Variants in BBOX1 observed in about 807,000 individuals in gnomAD.
BBOX1 encodes the protein gamma-butyrobetaine dioxygenase.
Under a neutral mutation model 41.6 loss-of-function variants are expected in BBOX1, and 35 were observed. That is an observed-to-expected ratio of 0.84 (90% CI 0.64 to 1.11). BBOX1 has a LOEUF of 1.11. Ranked by LOEUF, BBOX1 falls within the 50% of genes most tolerant of loss-of-function variation. The pLI, the probability that BBOX1 is intolerant of heterozygous loss-of-function variation, is 0.00. For missense variants in BBOX1, 458 were observed against 460.6 expected, an observed-to-expected ratio of 0.99 and a Z score of 0.05; for synonymous variants, 163 against 154.7, an observed-to-expected ratio of 1.05 and a Z score of -0.40.
At position 27,127,396 on chromosome 11, in the gene BBOX1, G is replaced by GTCAT; in HGVS notation, c.1107_1108insTCAT (p.Asp370SerfsTer2). The GTCAT allele has an allele frequency of 1.2e-6, 2 of 1,614,098 alleles. No individual in the cohort carries two copies. Among genetic ancestry groups the GTCAT allele is most frequent in the South Asian group, 2.2e-5 (2 of 91,072 alleles). The stretch of plus-strand genomic sequence containing the variant: ...ATCTAGAAGGAGCTTATGCTGACTG[G>GTCAT]GATGTGGTCATGTCAAGGCTTCGTA... On this transcript the variant is annotated frameshift_variant, in exon 9 of 9. Coordinates refer to ENST00000263182, the MANE Select transcript of BBOX1 (RefSeq NM_003986.3). LOFTEE classifies it high-confidence loss of function.
intron 4 of BBOX1, among the ~76,000 whole-genome samples, chr11:27,071,643 C>G (rs1436354940): frequency 6.6e-6 from 1 of 152,096 alleles, no homozygotes; most frequent in Admixed American, 6.6e-5. Context: ...ACCAATATCC[C>G]TGATGAACAT....
chr11:27,061,584 GT>G (rs1358747868), intron 4 of BBOX1, among the ~76,000 whole-genome samples: 1 of 152,176 alleles, frequency 6.6e-6, no homozygotes, highest in African/African-American at 2.4e-5. Flanking sequence ...AGTTACATTT[GT>G]GAAAGGATTT....
At chr11:27,082,193 C>T (rs985409757) in intron 4 of BBOX1, among the ~76,000 whole-genome samples, 1 of 152,090 alleles carries the variant, frequency 6.6e-6, no homozygotes, top group Non-Finnish European at 1.5e-5. Flanking sequence ...CTGAGAATTA[C>T]AATTCAACAT....
At chr11:27,106,428 G>C (rs556937742) in intron 5 of BBOX1, among the ~76,000 whole-genome samples, 3 of 152,028 alleles carry the variant, frequency 2.0e-5, no homozygotes, top group Non-Finnish European at 2.9e-5. Flanking sequence ...AAAAAAGGTA[G>C]GGGTTGCAAT....
intron 3 of BBOX1, among the ~76,000 whole-genome samples, 174 bp downstream of exon 3, chr11:27,055,823 T>C (rs1856963217): frequency 6.6e-6 from 1 of 152,200 alleles, no homozygotes; most frequent in African/African-American, 2.4e-5. Context: ...AAGCTTCAGC[T>C]ATTATTATTA....
At chr11:27,110,788 C>T (rs1266109267) in intron 5 of BBOX1, among the ~76,000 whole-genome samples, 1 of 151,830 alleles carries the variant, frequency 6.6e-6, no homozygotes, top group Admixed American at 6.6e-5. Flanking sequence ...ATCTCTGATG[C>T]TAAATCAATG....
chr11:27,121,293 T>C lies in BBOX1; in HGVS notation c.836+1448T>C, dbSNP rs969262753. Reference sequence around the variant, plus strand: ...AGGATGCAAGTATTAGGGGAGGAAGTCAGGTAGGGACAAGTTCCTGTAGAG... The same window carrying C: ...AGGATGCAAGTATTAGGGGAGGAAGCCAGGTAGGGACAAGTTCCTGTAGAG... On this transcript the variant is annotated intron_variant, in intron 7 of 8. Transcript: ENST00000263182. Among the ~76,000 whole-genome samples the C allele has an allele frequency of 4.6e-5, 7 of 152,094 alleles. No homozygotes were observed. The South Asian group carries it at 1.5e-3, about 32-fold the overall frequency.
chr11:27,090,555 C>T (rs541768135), intron 4 of BBOX1, among the ~76,000 whole-genome samples: 97 of 151,950 alleles, frequency 6.4e-4, no homozygotes, highest in African/African-American at 2.3e-3. Flanking sequence ...TAACAAAGAT[C>T]ACAAGGCAAA....
chr11:27,094,409 T>G (rs948348664), intron 5 of BBOX1, among the ~76,000 whole-genome samples: 5 of 151,978 alleles, frequency 3.3e-5, no homozygotes, highest in African/African-American at 1.2e-4. Context: ...ATTCAGATGT[T>G]TGGTTTGGCC....
At chr11:27,071,789 C>G (rs1334092241) in intron 4 of BBOX1, among the ~76,000 whole-genome samples, 1 of 152,124 alleles carries the variant, frequency 6.6e-6, no homozygotes, top group Non-Finnish European at 1.5e-5. Context: ...TAAGCATAAT[C>G]CAGCATATAA....
chr11:27,098,080 T>G, intron 5 of BBOX1, among the ~76,000 whole-genome samples: 1 of 152,028 alleles, frequency 6.6e-6, no homozygotes, highest in East Asian at 1.9e-4. Flanking sequence ...TGTATCTCTC[T>G]TGCTTTTATA....
At chr11:27,077,645 G>A (rs1377317472) in intron 4 of BBOX1, among the ~76,000 whole-genome samples, 6 of 147,918 alleles carry the variant, frequency 4.1e-5, no homozygotes, top group Admixed American at 4.0e-4. Context: ...CAAAAAAACA[G>A]TTTTCTTGAC....
intron 2 of BBOX1, among the ~76,000 whole-genome samples, chr11:27,054,610 T>G (rs1856923496): frequency 6.6e-6 from 1 of 152,126 alleles, no homozygotes; most frequent in African/African-American, 2.4e-5. Flanking sequence ...TGCTGGATTT[T>G]TTTAATAAAA....
chr11:27,062,428 A>G (rs1011645072), intron 4 of BBOX1, among the ~76,000 whole-genome samples: 1 of 152,172 alleles, frequency 6.6e-6, no homozygotes, highest in African/African-American at 2.4e-5. Flanking sequence ...TAAGATCTTT[A>G]TAAGTTTAAG....
chr11:27,053,398 T>C (rs1856875581), intron 2 of BBOX1, among the ~76,000 whole-genome samples: 1 of 152,206 alleles, frequency 6.6e-6, no homozygotes, highest in Non-Finnish European at 1.5e-5. Flanking sequence ...GTGCACACCA[T>C]GAACTAAGAA....
At chr11:27,122,318 T>C (rs1458943328) in intron 7 of BBOX1, among the ~76,000 whole-genome samples, 1 of 152,112 alleles carries the variant, frequency 6.6e-6, no homozygotes, top group Non-Finnish European at 1.5e-5. Flanking sequence ...TAATCTCTCA[T>C]GTGATTATTT....
chr11:27,076,669 T>C (rs1857641374), intron 4 of BBOX1, among the ~76,000 whole-genome samples: 1 of 151,960 alleles, frequency 6.6e-6, no homozygotes, highest in African/African-American at 2.4e-5. Flanking sequence ...GTTACCAGAG[T>C]GGGTGGAGGG....
At chr11:27,050,409 G>C (rs996229831) in intron 2 of BBOX1, among the ~76,000 whole-genome samples, 1 of 152,038 alleles carries the variant, frequency 6.6e-6, no homozygotes, top group Non-Finnish European at 1.5e-5. Flanking sequence ...AGTTTTGATA[G>C]TAATTGCACT....
rs536528173 is a variant in BBOX1, at chr11:27,118,636, T to C, written c.640-1013T>C. ...ACTCATATGAAGTAAAATTGGGTTT[T>C]ATACATGACAGGCATGTATTTGCGT... On this transcript the variant is annotated intron_variant, in intron 6 of 8. Coordinates refer to ENST00000263182, the MANE Select transcript of BBOX1 (RefSeq NM_003986.3). Among the ~76,000 whole-genome samples the C allele has an allele frequency of 2.6e-5, 4 of 152,086 alleles. No homozygotes were observed. In the East Asian group the frequency reaches 7.8e-4, roughly 30 times the overall value.
Sources: gnomAD v4.1 joint callset for allele counts (sites outside exome capture counted in the v4.1 genomes callset) on GRCh38, gnomAD v4.1.1 for gene constraint, MANE v1.5 for transcripts, NCBI Gene and HGNC (gene_info 2026-07-23, HGNC 2026-07-21) for gene names.